The following ROGDI variants were observed in gnomAD, a reference collection of about 807,000 sequenced individuals.
ROGDI encodes rogdi atypical leucine zipper.
ROGDI carries 46 observed loss-of-function variants against 43.1 expected under a neutral mutation model. That is an observed-to-expected ratio of 1.07 (90% confidence interval 0.84 to 1.37). The LOEUF is 1.37. Ranked by LOEUF, ROGDI falls within the 40% of genes most tolerant of loss-of-function variation. The pLI is 0.00. For missense variants in ROGDI, 518 were observed against 383.9 expected, an observed-to-expected ratio of 1.35 and a Z score of -2.92; for synonymous variants, 243 against 162.0, an observed-to-expected ratio of 1.50 and a Z score of -3.80.
At position 4,799,608 on chromosome 16, in the gene ROGDI, C is replaced by G. The variant is rs1009691323; in HGVS notation, c.432+78G>C. 47 of 1,105,548 alleles carry G rather than the reference C, an allele frequency of 4.3e-5. No individual in the cohort carries two copies. In the African/African-American group the frequency reaches 6.4e-4, roughly 15 times the overall value. 68.5% of individuals were successfully genotyped at this position (1,105,548 alleles called of 1,614,324 possible). On this transcript the variant is annotated intron_variant, in intron 6 of 10. Coordinates refer to ENST00000322048, the MANE Select transcript of ROGDI (RefSeq NM_024589.3). Reference sequence around the variant, plus strand: ...GGTTGCACAGCTCAACGTGGAGGCCCTGGGATTGGAACCCAGGTGTGATTC... The same window carrying G: ...GGTTGCACAGCTCAACGTGGAGGCCGTGGGATTGGAACCCAGGTGTGATTC...
At chr16:4,799,232 G>C (rs892609703) in intron 6 of ROGDI, among the ~76,000 whole-genome samples, 1 of 152,076 alleles carries the variant, frequency 6.6e-6, no homozygotes, top group Non-Finnish European at 1.5e-5. Context: ...AGAGCTGACT[G>C]GGGGTATAGG....
At position 4,802,442 on chromosome 16, in the gene ROGDI, G is replaced by C. The variant is rs1199408109; in HGVS notation, c.57C>G (p.Phe19Leu). The C allele has an allele frequency of 6.9e-7, 1 of 1,445,714 alleles. No individual in the cohort carries two copies. Among genetic ancestry groups the C allele is most frequent in the Non-Finnish European group, 9.1e-7 (1 of 1,103,680 alleles). The allele number at this position is 1,445,714 out of a possible 1,614,324, so 89.6% of individuals were successfully genotyped here. Reference sequence around the variant, plus strand: ...GCACCTCGTCGTGCAGCAGCCAGCGGAACTCCTCCTCCTGCGGGACAGACC... The same window carrying C: ...GCACCTCGTCGTGCAGCAGCCAGCGCAACTCCTCCTCCTGCGGGACAGACC... ...AAERAVLEEE[F>L]RWLLHDEVHA... is the part of the protein sequence containing the mutation. The change falls in exon 2 of 11, where the codon TTC becomes TTG. Residue 19 changes from phenylalanine (F) to leucine (L), a missense_variant. Phe to Leu is a conservative substitution (Grantham distance 22, BLOSUM62 0). Transcript: ENST00000322048.
At chr16:4,799,929 G>T in intron 5 of ROGDI, 148 bp from the exon 6 acceptor site, 1 of 622,874 alleles carries the variant, frequency 1.6e-6, no homozygotes, top group Non-Finnish European at 2.9e-6. Flanking sequence ...CAGGTGATGG[G>T]CATCTGGCAT....
At position 4,801,562 on chromosome 16, in the gene ROGDI, C is replaced by T; in HGVS notation, c.141G>A (p.Leu47=). Residue 47 remains leucine (L), a synonymous_variant, in exon 3 of 11, where the codon CTG becomes CTA. Coordinates refer to ENST00000322048, the MANE Select transcript of ROGDI (RefSeq NM_024589.3). ...ILKEASLRFT[L]PGSGTEGPAK... Reference sequence around the variant, plus strand: ...CGGGCCCCTCAGTGCCGGAGCCCGGCAGAGTGAAGCGCAGAGAGGCCTCCT... The same window carrying T: ...CGGGCCCCTCAGTGCCGGAGCCCGGTAGAGTGAAGCGCAGAGAGGCCTCCT... The T allele has an allele frequency of 6.2e-7, 1 of 1,604,100 alleles. No individual in the cohort carries two copies. Among genetic ancestry groups the T allele is most frequent in the Non-Finnish European group, 8.5e-7 (1 of 1,175,580 alleles).
intron 7 of ROGDI, 51 bp from the exon 8 acceptor site, chr16:4,798,235 G>T: frequency 6.8e-7 from 1 of 1,464,832 alleles, no homozygotes. Flanking sequence ...GCCCAGGCTG[G>T]ATGGAGCGGG....
intron 1 of ROGDI, 35 bp downstream of exon 1, chr16:4,802,492 C>G: frequency 7.4e-6 from 9 of 1,210,842 alleles, no homozygotes; most frequent in Non-Finnish European, 9.2e-6. Context: ...GGCCCCGCCG[C>G]CCCGCCGGCC....
rs1239346998 is a variant in ROGDI at position 4,797,388 on chromosome 16, G to A, written c.*72C>T. ...AAATAGCAGCCTGGCGTTGGCACTG[G>A]CTGGTGCTCTGTGGTGGGTATGAGT... On this transcript the variant is annotated 3_prime_UTR_variant, in exon 11 of 11. Coordinates refer to ENST00000322048, the MANE Select transcript of ROGDI (RefSeq NM_024589.3). 3 of 1,427,402 alleles carry A rather than the reference G, an allele frequency of 2.1e-6. No individual in the cohort carries two copies. The highest frequency in any genetic ancestry group is 1.9e-5 in the Admixed American group (1 of 52,728). The allele number at this position is 1,427,402 out of a possible 1,614,324, so 88.4% of individuals were successfully genotyped here.
chr16:4,797,167 C>T lies in ROGDI; in HGVS notation c.*293G>A. 1 of 371,512 alleles carries T rather than the reference C, an allele frequency of 2.7e-6. No homozygotes were observed. The allele number at this position is 371,512 out of a possible 1,614,324, so 23.0% of individuals were successfully genotyped here. ...GAAGGGGAGAGGAGGGAGAGCCCTG[C>T]GCCTGGCCCTGTCCTGAGTCCAAAG... On this transcript the variant is annotated 3_prime_UTR_variant, in exon 11 of 11. Transcript: ENST00000322048.
At chr16:4,800,095 C>A (rs1019805785) in intron 5 of ROGDI, among the ~76,000 whole-genome samples, 1 of 151,928 alleles carries the variant, frequency 6.6e-6, no homozygotes, top group African/African-American at 2.4e-5. Context: ...TGGAGACAGT[C>A]GGGGTGGAGG....
At chr16:4,798,927 G>C in intron 6 of ROGDI, 1 of 523,184 alleles carries the variant, frequency 1.9e-6, no homozygotes, top group Non-Finnish European at 3.3e-6. Flanking sequence ...ATGGGGAATG[G>C]AAGGTCCTGG....
chr16:4,798,401 A>G lies in ROGDI; in HGVS notation c.531+168T>C, dbSNP rs1252791050. The G allele has an allele frequency of 7.1e-6, 5 of 700,944 alleles. No homozygotes were observed. The East Asian group carries it at 1.4e-4, about 19-fold the overall frequency. 43.4% of individuals were successfully genotyped at this position (700,944 alleles called of 1,614,324 possible). A position where few individuals can be genotyped will look rare whatever the true frequency, so the allele number is the denominator to read the frequency against. On this transcript the variant is annotated intron_variant, in intron 7 of 10. Coordinates refer to ENST00000322048, the MANE Select transcript of ROGDI (RefSeq NM_024589.3). ...CACTAACCCGAAACAGGGTTAACGT[A>G]TTTTAGGGGCACAGGACGGAAGCCA...
At chr16:4,802,119 C>G (rs1286161484) in intron 2 of ROGDI, 1 of 653,172 alleles carries the variant, frequency 1.5e-6, no homozygotes, top group Non-Finnish European at 2.8e-6. Flanking sequence ...TTGGATGCCG[C>G]TGCTCCCAAG....
Position 4,797,499 on chromosome 16 carries a change from G to C in ROGDI, c.825C>G (p.Ile275Met), listed in dbSNP as rs752311951. ...AGCTCCAGTAGCTGGAGAACACGGA[G>C]ATCTGCAAGGGGAGAGGGTGCTGTA... Reference protein sequence around the residue: ...LQLCQQLKDKISVFSSYWSYR... With the variant: ...LQLCQQLKDKMSVFSSYWSYR... The change falls in exon 11 of 11, where the codon ATC (isoleucine) becomes ATG (methionine). Residue 275 changes from isoleucine to methionine, a missense_variant and splice_region_variant. By Grantham distance (10) the Ile-to-Met change is conservative. Coordinates refer to ENST00000322048, the MANE Select transcript of ROGDI (RefSeq NM_024589.3). The C allele has an allele frequency of 1.9e-6, 3 of 1,608,256 alleles. No individual in the cohort carries two copies. The African/African-American group carries it at 4.0e-5, about 22-fold the overall frequency.
chr16:4,797,752 T>C lies in ROGDI; in HGVS notation c.784A>G (p.Thr262Ala). 1.3e-6 allele frequency: 2 copies of C among 1,537,130 alleles called. No homozygotes were observed. The highest frequency in any genetic ancestry group is 1.1e-5 in the South Asian group (1 of 88,308). Reference protein sequence around the residue: ...PWLNDALVYFTVSLQLCQQLK... With the variant: ...PWLNDALVYFAVSLQLCQQLK... ...TGCTGGCAGAGCTGCAGGGAGACGG[T>C]GAAGTAGACCAGGGCGTCGTTGAGC... Residue 262 changes from threonine (T) to alanine (A), a missense_variant, in exon 10 of 11, where the codon ACC becomes GCC. Physicochemically the swap from Thr to Ala is moderately conservative, Grantham distance 58. Coordinates refer to ENST00000322048, the MANE Select transcript of ROGDI (RefSeq NM_024589.3).
chr16:4,802,186 C>T (rs1203627885), intron 2 of ROGDI, 196 bp downstream of exon 2: 3 of 652,592 alleles, frequency 4.6e-6, no homozygotes, highest in African/African-American at 3.6e-5. Flanking sequence ...GCACCCTCGT[C>T]GGGACCCGCC....
At chr16:4,802,178 A>G in intron 2 of ROGDI, 1 of 644,078 alleles carries the variant, frequency 1.6e-6, no homozygotes, top group African/African-American at 1.8e-5. Flanking sequence ...CCTTGCTAGC[A>G]CCCTCGTCGG....
At position 4,802,592 on chromosome 16, in the gene ROGDI, C is replaced by G. The variant is rs1345882502; in HGVS notation, c.-21G>C. 3.8e-6 allele frequency: 5 copies of G among 1,305,944 alleles called. No homozygotes were observed. Among genetic ancestry groups the G allele is most frequent in the Non-Finnish European group, 2.0e-6 (2 of 1,022,924 alleles). The allele number at this position is 1,305,944 out of a possible 1,614,324, so 80.9% of individuals were successfully genotyped here. ...GCCATGGCCGCAGGCCGCCGCCGAG[C>G]GCCCTCCCCACCGGCCGCTGCTCCT... On this transcript the variant is annotated 5_prime_UTR_variant, in exon 1 of 11. Transcript: ENST00000322048.
intron 4 of ROGDI, 56 bp downstream of exon 4, chr16:4,801,211 G>T: frequency 7.0e-7 from 1 of 1,420,046 alleles, no homozygotes; most frequent in Non-Finnish European, 9.7e-7. Flanking sequence ...GAAAGTGGGA[G>T]CTCCCATGCT....
intron 2 of ROGDI, 151 bp downstream of exon 2, chr16:4,802,231 G>C (rs573145287): frequency 5.5e-6 from 4 of 727,382 alleles, no homozygotes; most frequent in African/African-American, 1.8e-5. Context: ...TAATGAGGTC[G>C]GCTCGAGTTC....
Sources: allele counts gnomAD v4.1 joint callset (sites outside exome capture counted in the v4.1 genomes callset), GRCh38; gene constraint gnomAD v4.1.1; transcripts MANE v1.5; gene names NCBI Gene and HGNC (gene_info 2026-07-23, HGNC 2026-07-21).